Variants in TNRC18 observed in about 807,000 individuals in gnomAD.
The protein encoded by TNRC18 is trinucleotide repeat-containing gene 18 protein.
In TNRC18, 69 loss-of-function variants were observed where a neutral mutation model predicts 226.7. The observed-to-expected ratio is 0.30, with a 90% CI of 0.25 to 0.37. The LOEUF (loss-of-function observed/expected upper bound fraction) is 0.37. Ranked by LOEUF, TNRC18 falls within the 10% of genes least tolerant of loss-of-function variation. The probability of loss-of-function intolerance (pLI) is 1.00; values close to 1 mark genes in which losing one functional copy is unlikely to be tolerated. For missense variants in TNRC18, 4,754 were observed against 4,256.6 expected (o/e 1.12, Z -3.25); for synonymous variants, 2,449 against 1,927.6 (o/e 1.27, Z -7.09).
chr7:5,369,281 G>A (rs777630902), intron 11 of TNRC18, among the ~76,000 whole-genome samples: 17 of 152,146 alleles, frequency 1.1e-4, no homozygotes, highest in Admixed American at 2.6e-4. Flanking sequence ...CCGGGAGGGC[G>A]GAGGCTGCAG....
Position 5,356,615 on chromosome 7 carries a change from C to G in TNRC18, c.5194+301G>C, listed in dbSNP as rs10274937. Among the ~76,000 whole-genome samples the G allele has an allele frequency of 3.1e-3, 467 of 152,128 alleles. 5 individuals carry two copies. Among genetic ancestry groups the G allele is most frequent in the African/African-American group, 0.01 (430 of 41,514 alleles). ...CCTATGACATCCGGTAGGCAAATGG[C>G]GGGCGGGCAAGACAGGGCCGGCGGA... On this transcript the variant is annotated intron_variant, in intron 16 of 29. Transcript: ENST00000430969.
At chr7:5,384,366 G>C (rs946531500) in intron 5 of TNRC18, among the ~76,000 whole-genome samples, 7 of 152,170 alleles carry the variant, frequency 4.6e-5, no homozygotes, top group Non-Finnish European at 8.8e-5. Context: ...CTTCCGAAGT[G>C]CTGGGATTAC....
At position 5,321,733 on chromosome 7, in the gene TNRC18, A is replaced by G. The variant is rs1246422552; in HGVS notation, c.6443-543T>C. ...GTTGCCCAGGCTGGAGTGCAATGGC[A>G]TGATCTCGGCTCACTGCAACCTCTG... On this transcript the variant is annotated intron_variant, in intron 21 of 29. Coordinates refer to ENST00000430969, the MANE Select transcript of TNRC18 (RefSeq NM_001080495.3). Among the ~76,000 whole-genome samples, 4 of 151,606 alleles carry G rather than the reference A, an allele frequency of 2.6e-5. No homozygotes were observed. The South Asian group carries it at 6.2e-4, about 24-fold the overall frequency.
intron 17 of TNRC18, 107 bp downstream of exon 17, chr7:5,351,712 C>T (rs947504897): frequency 1.5e-6 from 2 of 1,324,634 alleles, no homozygotes; most frequent in African/African-American, 1.5e-5. Flanking sequence ...GCACGGGCCT[C>T]CTCACCCACC....
chr7:5,387,594 G>A (rs926762020), intron 5 of TNRC18, 78 bp downstream of exon 5: 3 of 1,545,076 alleles, frequency 1.9e-6, no homozygotes, highest in Admixed American at 2.1e-5. Context: ...CAAAGGGAAA[G>A]GGCCCACACT....
At chr7:5,344,297 T>G (rs1488535785) in intron 18 of TNRC18, among the ~76,000 whole-genome samples, 1 of 151,894 alleles carries the variant, frequency 6.6e-6, no homozygotes, top group Admixed American at 6.6e-5. Context: ...GGGAAGCCAT[T>G]TGGAGGTTCT....
In TNRC18 at chr7:5,313,204, T is replaced by C. The variant is rs772892260; in HGVS notation, c.7687A>G (p.Ser2563Gly). The C allele has an allele frequency of 3.9e-5, 61 of 1,548,152 alleles. 1 individual carries two copies. The Admixed American group carries it at 6.1e-4, about 15-fold the overall frequency. ...CTGCTGCTACTGCTGCCACTACTGC[T>C]GCTGCTGCTGCTCTCGGACTCTTCG... ...GAEESESSSS[S>G]SSGSSSSSSS... Residue 2563 changes from serine to glycine, a missense_variant, in exon 27 of 30, where the codon AGC becomes GGC. Physicochemically the swap from Ser to Gly is moderately conservative, Grantham distance 56. Coordinates refer to ENST00000430969, the MANE Select transcript of TNRC18 (RefSeq NM_001080495.3).
At position 5,377,990 on chromosome 7, in the gene TNRC18, G is replaced by T; in HGVS notation, c.2187C>A (p.Asp729Glu). The T allele has an allele frequency of 6.2e-7, 1 of 1,612,900 alleles. No homozygotes were observed. Residue 729 changes from aspartate to glutamate, a missense_variant, in exon 6 of 30, where the codon GAC (aspartate) becomes GAA (glutamate). Physicochemically the swap from Asp to Glu is conservative, Grantham distance 45. Transcript: ENST00000430969. The surrounding 1 kb of genome is among the most constrained non-coding windows in gnomAD (Gnocchi z 5.8). ...HGRADEDCVD[D>E]RARHREERLL... ...GCCGTTCCTCCCGGTGTCTGGCCCG[G>T]TCGTCCACACAGTCCTCATCTGCTC...
intron 2 of TNRC18, among the ~76,000 whole-genome samples, chr7:5,412,681 T>C (rs753247320): frequency 3.3e-5 from 5 of 152,098 alleles, no homozygotes; most frequent in Non-Finnish European, 5.9e-5. Context: ...GATGAAAAAA[T>C]TGAGGTTTAG....
chr7:5,363,901 G>T (rs534147770), intron 11 of TNRC18, among the ~76,000 whole-genome samples: 1 of 152,102 alleles, frequency 6.6e-6, no homozygotes, highest in African/African-American at 2.4e-5. Flanking sequence ...CCAACACACA[G>T]GTCCCTCCCT....
intron 18 of TNRC18, 45 bp downstream of exon 18, chr7:5,345,517 G>GGGGGGGC: frequency 2.6e-6 from 1 of 377,742 alleles, no homozygotes; most frequent in Non-Finnish European, 4.8e-6. Context: ...AATGGCGTCC[G>GGGGGGGC]CCCCTCCCAC....
chr7:5,408,649 A>G (rs1173291455), intron 2 of TNRC18, among the ~76,000 whole-genome samples: 3 of 152,130 alleles, frequency 2.0e-5, no homozygotes, highest in Non-Finnish European at 2.9e-5. Context: ...CTCAAAAAAC[A>G]GAAAGAAAAA....
chr7:5,310,064 G>A (rs888058513), intron 27 of TNRC18, among the ~76,000 whole-genome samples: 6 of 151,842 alleles, frequency 4.0e-5, no homozygotes, highest in Non-Finnish European at 5.9e-5. Flanking sequence ...AGGAATCCAC[G>A]GCTAATATTT....
Position 5,313,290 on chromosome 7 carries a change from G to T in TNRC18, c.7601C>A (p.Thr2534Lys). 2.6e-6 allele frequency: 4 copies of T among 1,548,420 alleles called. No individual in the cohort carries two copies. Among genetic ancestry groups the T allele is most frequent in the African/African-American group, 1.4e-5 (1 of 73,074 alleles). Reference sequence around the variant, plus strand: ...CTTGGGGTTCCCAGAGTCCTCGAACGTGAGCCCCGGCCCGGGCTCCTGGGC... The same window carrying T: ...CTTGGGGTTCCCAGAGTCCTCGAACTTGAGCCCCGGCCCGGGCTCCTGGGC... ...DLAQEPGPGL[T>K]FEDSGNPKSP... The change falls in exon 27 of 30, where the codon ACG becomes AAG. Residue 2534 changes from threonine to lysine, a missense_variant. Thr to Lys is a moderately conservative substitution (Grantham distance 78). Transcript: ENST00000430969.
chr7:5,376,905 G>C lies in TNRC18; in HGVS notation c.2550C>G (p.Val850=). The part of the protein sequence containing the change: ...GGSLPSAYQF[V]RDPQSGQLVV... ...CCAGCTGGCCCGATTGGGGGTCCCT[G>C]ACAAACTGGTAGGCTGACGGGAGGG... is the stretch of plus-strand genomic sequence containing the variant. The change falls in exon 8 of 30, where the codon GTC becomes GTG. Residue 850 remains valine, a synonymous_variant. Coordinates refer to ENST00000430969, the MANE Select transcript of TNRC18 (RefSeq NM_001080495.3). The C allele has an allele frequency of 6.2e-7, 1 of 1,609,854 alleles. No individual in the cohort carries two copies. Among genetic ancestry groups the C allele is most frequent in the Non-Finnish European group, 8.5e-7 (1 of 1,178,126 alleles).
At chr7:5,411,860 A>C (rs931855398) in intron 2 of TNRC18, among the ~76,000 whole-genome samples, 1 of 152,138 alleles carries the variant, frequency 6.6e-6, no homozygotes, top group Non-Finnish European at 1.5e-5. Context: ...CTCATCCAAT[A>C]GATATGACAA....
chr7:5,328,022 G>A (rs1176328747), intron 19 of TNRC18, among the ~76,000 whole-genome samples: 8 of 151,820 alleles, frequency 5.3e-5, no homozygotes, highest in Non-Finnish European at 1.2e-4. Context: ...AGGAGTTCGA[G>A]ACCAGCCCAG....
At chr7:5,386,585 A>AG (rs1473168147) in intron 5 of TNRC18, among the ~76,000 whole-genome samples, 7 of 151,274 alleles carry the variant, frequency 4.6e-5, no homozygotes, top group Non-Finnish European at 7.4e-5. Context: ...AAAAAAAAAA[A>AG]AAGAAAAAGA....
At chr7:5,397,459 C>T (rs1339673881) in intron 2 of TNRC18, among the ~76,000 whole-genome samples, 3 of 152,198 alleles carry the variant, frequency 2.0e-5, no homozygotes, top group East Asian at 3.9e-4. Flanking sequence ...ACCCAAAGCC[C>T]CTCCTCCCAG....
Sources: allele counts gnomAD v4.1 joint callset (sites outside exome capture counted in the v4.1 genomes callset), GRCh38; gene constraint gnomAD v4.1.1; non-coding constraint Gnocchi (gnomAD v3.1); transcripts MANE v1.5; gene names NCBI Gene and HGNC (gene_info 2026-07-23, HGNC 2026-07-21).